Variants in LUZP1 observed in about 807,000 individuals in gnomAD.
LUZP1 encodes filamin mechanobinding actin cross-linking protein.
Under a neutral mutation model 71.3 loss-of-function variants are expected in LUZP1, and 25 were observed. The observed-to-expected ratio is 0.35, with a 90% CI of 0.26 to 0.49. The LOEUF is 0.49. Among genes scored for constraint, LUZP1 ranks in the 20% least tolerant of loss-of-function variants. The probability of loss-of-function intolerance (pLI) is 0.99; values close to 1 mark genes in which losing one functional copy is unlikely to be tolerated. For missense variants in LUZP1, 1,142 were observed against 1,300.8 expected (o/e 0.88, Z 1.88); for synonymous variants, 481 against 506.4 (o/e 0.95, Z 0.67).
At chr1:23,117,846 C>A in intron 2 of LUZP1, among the ~76,000 whole-genome samples, 1 of 152,090 alleles carries the variant, frequency 6.6e-6, no homozygotes, top group Middle Eastern at 3.2e-3. Context: ...AATCCCAGCG[C>A]TTTGGGAGGC....
exon 4 of LUZP1, chr1:23,092,842 G>A (rs1398747238): frequency 6.2e-7 from 1 of 1,613,888 alleles, no homozygotes; most frequent in Admixed American, 1.7e-5. Context: ...TAGCGACTCA[G>A]CACTGAGGGC....
chr1:23,142,694 TATATATACACAC>T (rs753901768), intron 2 of LUZP1, among the ~76,000 whole-genome samples: 2,353 of 85,776 alleles, frequency 0.027, 33 homozygotes, highest in African/African-American at 0.053. Flanking sequence ...AAAATATATA[TATATATACACAC>T]ACACACACAC....
chr1:23,127,977 G>T (rs563964170), intron 2 of LUZP1, among the ~76,000 whole-genome samples: 2 of 151,804 alleles, frequency 1.3e-5, no homozygotes, highest in African/African-American at 4.8e-5. Context: ...CTAAAAATAC[G>T]AAAATTAGCT....
rs1036313130 is a variant in LUZP1, at chr1:23,168,817, T to C, written c.-277A>G. The C allele has an allele frequency of 9.2e-5, 14 of 152,866 alleles. 1 individual carries two copies. The highest frequency in any genetic ancestry group is 2.9e-4 in the African/African-American group (12 of 41,430). The allele number at this position is 152,866 out of a possible 1,614,324, so 9.5% of individuals were successfully genotyped here. A position where few individuals can be genotyped will look rare whatever the true frequency, so the allele number is the denominator to read the frequency against. On this transcript the variant is annotated 5_prime_UTR_variant, in exon 2 of 5. Coordinates refer to ENST00000302291, the Ensembl canonical transcript of LUZP1. ...CCAGCGAAGGGTTCCGCCGCTCAGCTGCCAGCGACCGGCGCCTCCTCTGGC... is the reference window on the plus strand; with the variant it reads ...CCAGCGAAGGGTTCCGCCGCTCAGCCGCCAGCGACCGGCGCCTCCTCTGGC...
At chr1:23,162,805 A>AT (rs1644479203) in intron 2 of LUZP1, 1 of 152,244 alleles carries the variant, frequency 6.6e-6, no homozygotes, top group Non-Finnish European at 1.5e-5. Context: ...AGCAGTCCAT[A>AT]TTTTTAAATT....
Position 23,154,853 on chromosome 1 carries a change from CCTCT to C in LUZP1, c.-226+13909_-226+13912del, listed in dbSNP as rs1644410474. Among the ~76,000 whole-genome samples the C allele has an allele frequency of 2.6e-5, 4 of 151,982 alleles. No individual in the cohort carries two copies. In the South Asian group the frequency reaches 8.3e-4, roughly 32 times the overall value. On this transcript the variant is annotated intron_variant, in intron 2 of 4. Transcript: ENST00000302291. ...CTTTCCTTTATTTTCCTTTTCTCTC[CCTCT>C]AAGTTACCTTATTATTTCCGTATTA... is the stretch of plus-strand genomic sequence containing the variant.
At chr1:23,125,754 A>G (rs1644167291) in intron 2 of LUZP1, among the ~76,000 whole-genome samples, 1 of 152,230 alleles carries the variant, frequency 6.6e-6, no homozygotes, top group African/African-American at 2.4e-5. Context: ...TTAAAGCCAG[A>G]AGTTAAATCA....
rs1643872759 is a variant in LUZP1, at chr1:23,093,086, T to A, written c.1176A>T (p.Glu392Asp). ...GTTCCCGCTTATGCTGAGGAGACAGTTCCCGCGCTGTGTGCTTGGACACAG... is the reference window on the plus strand; with the variant it reads ...GTTCCCGCTTATGCTGAGGAGACAGATCCCGCGCTGTGTGCTTGGACACAG... Residue 392 changes from glutamate to aspartate, a missense_variant, in exon 4 of 5, where the codon GAA becomes GAT. Transcript: ENST00000302291. This position sits in a 1 kb window ranked among gnomAD's most constrained non-coding sequence, Gnocchi z 4.2. The A allele has an allele frequency of 6.2e-7, 1 of 1,614,038 alleles. No individual in the cohort carries two copies. Among genetic ancestry groups the A allele is most frequent in the South Asian group, 1.1e-5 (1 of 91,078 alleles).
chr1:23,138,821 A>G (rs1644277262), intron 2 of LUZP1, among the ~76,000 whole-genome samples: 1 of 149,634 alleles, frequency 6.7e-6, no homozygotes, highest in Non-Finnish European at 1.5e-5. Flanking sequence ...GCAACGGTGA[A>G]ACCTCGTCTC....
chr1:23,097,609 G>C (rs1416573876), intron 3 of LUZP1, among the ~76,000 whole-genome samples: 5 of 152,210 alleles, frequency 3.3e-5, no homozygotes, highest in Non-Finnish European at 7.3e-5. Context: ...CCAGCACTTT[G>C]AGAAGCTGAG....
rs2124600683 is a variant in LUZP1, at chr1:23,094,094, A to G, written c.168T>C (p.Gly56=). 1.2e-6 allele frequency: 2 copies of G among 1,614,074 alleles called. No individual in the cohort carries two copies. The highest frequency in any genetic ancestry group is 2.2e-5 in the East Asian group (1 of 44,866). Residue 56 remains glycine, a synonymous_variant, in exon 4 of 5, where the codon GGT becomes GGC. Coordinates refer to ENST00000302291, the Ensembl canonical transcript of LUZP1. The surrounding 1 kb of genome is among the most constrained non-coding windows in gnomAD (Gnocchi z 4.7). ...TCTCCGCCAACATGCTGGAGTTGCT[A>G]CCTTCTGCCTGAATCACCTTGTCCT...
intron 1 of LUZP1, among the ~76,000 whole-genome samples, chr1:23,172,504 A>G (rs981075727): frequency 6.6e-5 from 10 of 151,722 alleles, no homozygotes; most frequent in African/African-American, 2.4e-4. Context: ...TACAAAAAAA[A>G]ATTTTTATTT....
At chr1:23,090,326 G>C (rs1290183444) in intron 4 of LUZP1, 1 of 152,926 alleles carries the variant, frequency 6.5e-6, no homozygotes, top group African/African-American at 2.4e-5. Flanking sequence ...AAGATAGTGG[G>C]TAGTGAAGTA....
chr1:23,091,335 C>T (rs779176566), exon 4 of LUZP1: 176 of 1,614,018 alleles, frequency 1.1e-4, no homozygotes, highest in Non-Finnish European at 1.4e-4. Flanking sequence ...TCCTACCCTT[C>T]GAGTGCCCTG....
chr1:23,125,369 C>A (rs113127293), intron 2 of LUZP1, among the ~76,000 whole-genome samples: 1 of 152,098 alleles, frequency 6.6e-6, no homozygotes, highest in Non-Finnish European at 1.5e-5. Flanking sequence ...CTATCCCCTA[C>A]CTTGATATCA....
chr1:23,102,694 T>C (rs552146062), intron 3 of LUZP1, among the ~76,000 whole-genome samples: 2 of 152,220 alleles, frequency 1.3e-5, no homozygotes, highest in South Asian at 2.1e-4. Flanking sequence ...GCATGGTAGC[T>C]CATGCCTGTA....
exon 5 of LUZP1, chr1:23,086,370 A>AT (rs1265882685): frequency 2.0e-5 from 3 of 152,652 alleles, no homozygotes. Context: ...AGCAAATCCT[A>AT]TTGCACTCAG....
intron 2 of LUZP1, among the ~76,000 whole-genome samples, chr1:23,125,012 A>C (rs1644160746): frequency 6.6e-6 from 1 of 152,298 alleles, no homozygotes; most frequent in South Asian, 2.1e-4. Flanking sequence ...AAGCCAAATA[A>C]ATCAAGCTTG....
chr1:23,107,767 C>G (rs6692989), intron 3 of LUZP1, among the ~76,000 whole-genome samples: 7,070 of 152,260 alleles, frequency 0.046, 274 homozygotes, highest in South Asian at 0.11. Flanking sequence ...CAAGATCGCA[C>G]CAGTGCACTC....
Sources: gnomAD v4.1 joint callset for allele counts (sites outside exome capture counted in the v4.1 genomes callset) on GRCh38, gnomAD v4.1.1 for gene constraint, Gnocchi (gnomAD v3.1) non-coding constraint, MANE v1.5 for transcripts, NCBI Gene and HGNC (gene_info 2026-07-23, HGNC 2026-07-21) for gene names.